CCSER1: variants seen among roughly 807,000 people sequenced by gnomAD.
The protein encoded by CCSER1 is serine-rich coiled-coil domain-containing protein 1.
Under a neutral mutation model 82.0 loss-of-function variants are expected in CCSER1, and 41 were observed. That is an observed-to-expected ratio of 0.50 (90% confidence interval 0.39 to 0.65). The LOEUF is 0.65. Among genes scored for constraint, CCSER1 ranks in the 30% least tolerant of loss-of-function variants. The pLI, the probability that CCSER1 is intolerant of heterozygous loss-of-function variation, is 0.00. For synonymous variants in CCSER1, 414 were observed against 383.9 expected (o/e 1.08, Z -0.92); for missense variants, 1,119 against 1,064.2 (o/e 1.05, Z -0.72).
In CCSER1 at chr4:91,225,266, TTA is replaced by T. The variant is rs1477802347; in HGVS notation, c.2217+139277_2217+139278del. ...ATTATATACATATACATGTATATAA[TTA>T]TATACATTTTATATATGTAATATAT... On this transcript the variant is annotated intron_variant, in intron 10 of 10. Transcript: ENST00000509176. Among the ~76,000 whole-genome samples, 1,099 of 135,616 alleles carry T rather than the reference TTA, an allele frequency of 8.1e-3. 18 individuals carry two copies. Among genetic ancestry groups the T allele is most frequent in the African/African-American group, 0.028 (1,039 of 36,740 alleles). The allele number at this position is 135,616 out of a possible 152,430, so 89.0% of individuals were successfully genotyped here.
intron 4 of CCSER1, among the ~76,000 whole-genome samples, chr4:90,459,985 A>G (rs1220486409): frequency 6.6e-6 from 1 of 152,154 alleles, no homozygotes; most frequent in Non-Finnish European, 1.5e-5. Context: ...TTTCAATTTT[A>G]TTGTAGAAAA....
intron 3 of CCSER1, among the ~76,000 whole-genome samples, chr4:90,329,469 G>T (rs1004199653): frequency 5.3e-5 from 8 of 152,176 alleles, no homozygotes; most frequent in African/African-American, 1.9e-4. Flanking sequence ...ATTTAGAAAA[G>T]AAATATTTTA....
intron 10 of CCSER1, among the ~76,000 whole-genome samples, chr4:91,288,295 C>T (rs562045152): frequency 6.6e-6 from 1 of 151,664 alleles, no homozygotes; most frequent in African/African-American, 2.4e-5. Context: ...GGAGAAAATT[C>T]AAATTCACAA....
chr4:91,039,707 A>G (rs1741787798), intron 9 of CCSER1, among the ~76,000 whole-genome samples: 1 of 123,102 alleles, frequency 8.1e-6, no homozygotes, highest in Non-Finnish European at 1.8e-5. Flanking sequence ...ATGTGTATAT[A>G]TATGAGTATC....
intron 9 of CCSER1, among the ~76,000 whole-genome samples, chr4:91,073,880 T>C (rs2148775735): frequency 6.6e-6 from 1 of 152,192 alleles, no homozygotes; most frequent in East Asian, 1.9e-4. Flanking sequence ...GATCATCCAT[T>C]ACAACTCTCT....
chr4:90,526,814 T>C (rs1773821187), intron 5 of CCSER1, among the ~76,000 whole-genome samples: 1 of 152,236 alleles, frequency 6.6e-6, no homozygotes, highest in Non-Finnish European at 1.5e-5. Context: ...CTATTGTGAA[T>C]AGGGCTTCAA....
chr4:90,483,594 C>T (rs1198416875), intron 5 of CCSER1, among the ~76,000 whole-genome samples: 1 of 152,138 alleles, frequency 6.6e-6, no homozygotes, highest in African/African-American at 2.4e-5. Flanking sequence ...TCAGCATTTG[C>T]TTGTCTGTAA....
chr4:90,339,540 G>A (rs953006432), intron 3 of CCSER1, among the ~76,000 whole-genome samples: 7 of 151,314 alleles, frequency 4.6e-5, no homozygotes, highest in Non-Finnish European at 8.8e-5. Context: ...CCTTCCTTTC[G>A]CTCCACTAAC....
intron 6 of CCSER1, among the ~76,000 whole-genome samples, chr4:90,660,377 C>T (rs1730545588): frequency 6.6e-6 from 1 of 151,946 alleles, no homozygotes; most frequent in Admixed American, 6.6e-5. Flanking sequence ...ATGTATTTTG[C>T]AGCAACATGG....
rs1438625250 is a variant in CCSER1 at position 90,309,185 on chromosome 4, G to C, written c.901G>C (p.Ala301Pro). 1.2e-6 allele frequency: 2 copies of C among 1,613,906 alleles called. No homozygotes were observed. The highest frequency in any genetic ancestry group is 2.2e-5 in the East Asian group (1 of 44,880). ...DSTSQMSLNS[A>P]AVTKTTTELT... ...TACCTCTCAGATGTCCCTCAATTCT[G>C]CTGCTGTTACAAAGACAACAACAGA... The change falls in exon 2 of 11, where the codon GCT (alanine) becomes CCT (proline). Residue 301 changes from alanine to proline, a missense_variant. Physicochemically the swap from Ala to Pro is conservative, Grantham distance 27. Transcript: ENST00000509176.
At chr4:90,533,389 C>T (rs1247563253) in intron 5 of CCSER1, among the ~76,000 whole-genome samples, 4 of 152,196 alleles carry the variant, frequency 2.6e-5, no homozygotes, top group African/African-American at 9.7e-5. Flanking sequence ...GCCACTGCTC[C>T]TGGCCTCTCT....
At chr4:91,198,943 T>C (rs192547112) in intron 10 of CCSER1, among the ~76,000 whole-genome samples, 40 of 152,262 alleles carry the variant, frequency 2.6e-4, no homozygotes, top group Admixed American at 2.6e-3. Context: ...CTCTTTCTAT[T>C]CTGTTTTCCA....
At chr4:91,567,185 A>T (rs78708948) in intron 10 of CCSER1, among the ~76,000 whole-genome samples, 8,778 of 152,190 alleles carry the variant, frequency 0.058, 267 homozygotes, top group Middle Eastern at 0.078. Context: ...ATGTAATCAC[A>T]TGGTATTGAG....
intron 8 of CCSER1, among the ~76,000 whole-genome samples, chr4:90,880,453 A>C (rs1376743411): frequency 6.6e-6 from 1 of 152,144 alleles, no homozygotes; most frequent in African/African-American, 2.4e-5. Context: ...TGGGAGACTA[A>C]CTACCTCCTC....
At chr4:90,487,584 G>T (rs555039177) in intron 5 of CCSER1, among the ~76,000 whole-genome samples, 1 of 152,184 alleles carries the variant, frequency 6.6e-6, no homozygotes, top group Admixed American at 6.5e-5. Context: ...GATTCTAAAA[G>T]GGCCTCAATA....
chr4:91,558,082 A>G (rs1292198652), intron 10 of CCSER1, among the ~76,000 whole-genome samples: 3 of 139,044 alleles, frequency 2.2e-5, no homozygotes, highest in Non-Finnish European at 3.1e-5. Context: ...GTATTTTAAT[A>G]TATTAATAAT....
intron 3 of CCSER1, among the ~76,000 whole-genome samples, chr4:90,322,768 C>T (rs1437567129): frequency 2.0e-5 from 3 of 152,110 alleles, no homozygotes; most frequent in African/African-American, 7.2e-5. Flanking sequence ...CCTTCACTTT[C>T]CCCTAAACAG....
At chr4:91,114,259 G>A (rs1726357040) in intron 10 of CCSER1, among the ~76,000 whole-genome samples, 1 of 152,088 alleles carries the variant, frequency 6.6e-6, no homozygotes, top group Non-Finnish European at 1.5e-5. Context: ...TTGATTCAAA[G>A]TCAAGAAACA....
chr4:91,163,328 G>A (rs907401305), intron 10 of CCSER1, among the ~76,000 whole-genome samples: 3 of 152,204 alleles, frequency 2.0e-5, no homozygotes, highest in Non-Finnish European at 4.4e-5. Context: ...TTTTACATTG[G>A]CTGAGGAGTG....
Sources: allele counts gnomAD v4.1 joint callset (sites outside exome capture counted in the v4.1 genomes callset), GRCh38; gene constraint gnomAD v4.1.1; transcripts MANE v1.5; gene names NCBI Gene and HGNC (gene_info 2026-07-23, HGNC 2026-07-21).